Variants in ARAP1 observed in about 807,000 individuals in gnomAD.
ARAP1 encodes the protein arf-GAP with Rho-GAP domain, ANK repeat and PH domain-containing protein 1.
In ARAP1, 76 loss-of-function variants were observed where a neutral mutation model predicts 172.2. The observed-to-expected ratio is 0.44, with a 90% CI of 0.37 to 0.53. The LOEUF is 0.53. Among genes scored for constraint, ARAP1 ranks in the 20% least tolerant of loss-of-function variants. The pLI, the probability that ARAP1 is intolerant of heterozygous loss-of-function variation, is 0.00. For missense variants in ARAP1, 1,686 were observed against 1,977.5 expected (o/e 0.85, Z 2.80); for synonymous variants, 804 against 803.3 (o/e 1.00, Z -0.01).
chr11:72,734,042 T>C (rs907626304), intron 1 of ARAP1, among the ~76,000 whole-genome samples: 6 of 152,126 alleles, frequency 3.9e-5, no homozygotes, highest in Admixed American at 6.5e-5. Context: ...GCCAGGCTGG[T>C]CTCGAACTCC....
At chr11:72,747,269 A>T (rs558472499) in intron 1 of ARAP1, among the ~76,000 whole-genome samples, 26 of 152,222 alleles carry the variant, frequency 1.7e-4, no homozygotes, top group Middle Eastern at 3.4e-3. Context: ...GGAGATTTTA[A>T]CACATCCCCT....
At chr11:72,717,852 T>C (rs1200403979) in intron 3 of ARAP1, among the ~76,000 whole-genome samples, 2 of 152,192 alleles carry the variant, frequency 1.3e-5, no homozygotes, top group Non-Finnish European at 2.9e-5. Context: ...ACAGCTGGGA[T>C]GTGAACCCTG....
In ARAP1 at chr11:72,714,152, C is replaced by T. The variant is rs866066061; in HGVS notation, c.679G>A (p.Asp227Asn). The change falls in exon 4 of 35, where the codon GAT (aspartate) becomes AAT (asparagine). Residue 227 changes from aspartate to asparagine, a missense_variant and splice_region_variant. Physicochemically the swap from Asp to Asn is conservative, Grantham distance 23 (BLOSUM62 1). This residue lies in a region of ARAP1 where 155 missense variants were observed against 129.2 expected (regional missense o/e 1.20). Transcript: ENST00000393609. The stretch of plus-strand genomic sequence containing the variant: ...CCCATCTCCTGGCTGCAGCACTCAC[C>T]GAACTCTGGGAACAGGCGTACCGGC... ...PKPVRLFPEF[D>N]DSDYDEVPEE... is the part of the protein sequence containing the mutation. The T allele has an allele frequency of 1.4e-5, 20 of 1,479,576 alleles. No homozygotes were observed. Among genetic ancestry groups the T allele is most frequent in the African/African-American group, 1.0e-4 (7 of 68,752 alleles). The allele number at this position is 1,479,576 out of a possible 1,614,324, so 91.7% of individuals were successfully genotyped here.
chr11:72,693,844 G>T lies in ARAP1; in HGVS notation c.3695-39C>A. On this transcript the variant is annotated intron_variant, in intron 27 of 34. Coordinates refer to ENST00000393609, the MANE Select transcript of ARAP1 (RefSeq NM_001040118.3). This position sits in a 1 kb window ranked among gnomAD's most constrained non-coding sequence, Gnocchi z 4.6. ...ACACCTACCGTCACTGGGACCACAT[G>T]GCCCGATACCACCAAAGGCTGGCAG... is the stretch of plus-strand genomic sequence containing the variant. 1 of 1,516,198 alleles carries T rather than the reference G, an allele frequency of 6.6e-7. No individual in the cohort carries two copies. Among genetic ancestry groups the T allele is most frequent in the Non-Finnish European group, 8.9e-7 (1 of 1,120,644 alleles). The allele number at this position is 1,516,198 out of a possible 1,614,324, so 93.9% of individuals were successfully genotyped here. A position where few individuals can be genotyped will look rare whatever the true frequency, so the allele number is the denominator to read the frequency against.
chr11:72,736,977 C>T (rs149856786), intron 1 of ARAP1, among the ~76,000 whole-genome samples: 3 of 152,352 alleles, frequency 2.0e-5, no homozygotes, highest in East Asian at 3.9e-4. Flanking sequence ...CCAAAGTTGT[C>T]TGCTGACAAT....
intron 34 of ARAP1, 96 bp from the exon 35 acceptor site, chr11:72,685,777 T>C (rs760282346): frequency 2.6e-6 from 4 of 1,532,218 alleles, no homozygotes; most frequent in Non-Finnish European, 3.6e-6. Context: ...CACTCTCCAC[T>C]GCCAGCCGGG....
chr11:72,744,889 G>A (rs907591912), intron 1 of ARAP1, among the ~76,000 whole-genome samples: 1 of 152,212 alleles, frequency 6.6e-6, no homozygotes, highest in African/African-American at 2.4e-5. Flanking sequence ...TGGATCTTCA[G>A]ACTCCCTAGG....
chr11:72,711,283 C>G (rs1204560074), intron 8 of ARAP1, 142 bp from the exon 9 acceptor site: 1 of 1,475,680 alleles, frequency 6.8e-7, no homozygotes. Flanking sequence ...CAGCCCTCAG[C>G]AGGCAGAGGG....
intron 12 of ARAP1, 121 bp from the exon 13 acceptor site, chr11:72,706,011 A>T: frequency 1.1e-6 from 1 of 894,542 alleles, no homozygotes; most frequent in East Asian, 2.6e-5. Flanking sequence ...CCCAGGGGGT[A>T]GGCCTGCTGG....
Position 72,695,249 on chromosome 11 carries a change from A to G in ARAP1, c.3576+138T>C, listed in dbSNP as rs548839262. 1.2e-5 allele frequency: 16 copies of G among 1,352,236 alleles called. No homozygotes were observed. In the African/African-American group the frequency reaches 2.3e-4, roughly 19 times the overall value. The allele number at this position is 1,352,236 out of a possible 1,614,324, so 83.8% of individuals were successfully genotyped here. A position where few individuals can be genotyped will look rare whatever the true frequency, so the allele number is the denominator to read the frequency against. On this transcript the variant is annotated intron_variant, in intron 26 of 34. Transcript: ENST00000393609. This position sits in a 1 kb window ranked among gnomAD's most constrained non-coding sequence, Gnocchi z 4.4. The stretch of plus-strand genomic sequence containing the variant: ...GTATTTCTGAGTGGTCCTTAGGAGC[A>G]GACCCCAGCACCAGCCAGATACAGG...
Position 72,705,627 on chromosome 11 carries a change from GT to G in ARAP1, c.1809+177del. The G allele has an allele frequency of 7.1e-6, 4 of 563,872 alleles. No individual in the cohort carries two copies. In the South Asian group the frequency reaches 1.0e-4, roughly 14 times the overall value. The allele number at this position is 563,872 out of a possible 1,614,324, so 34.9% of individuals were successfully genotyped here. A position where few individuals can be genotyped will look rare whatever the true frequency, so the allele number is the denominator to read the frequency against. On this transcript the variant is annotated intron_variant, in intron 13 of 34. Transcript: ENST00000393609. ...AAAAACATTCTTAGCTCACTGGCCA[GT>G]TTGCTGACTTTGCCAAAAATTGCTT...
intron 16 of ARAP1, among the ~76,000 whole-genome samples, chr11:72,701,023 G>A (rs1693731052): frequency 1.3e-5 from 2 of 152,230 alleles, no homozygotes; most frequent in South Asian, 2.1e-4. Context: ...AGAGATGGGG[G>A]GTGCTATTTT....
At chr11:72,709,201 C>T (rs1397587998) in intron 11 of ARAP1, among the ~76,000 whole-genome samples, 3 of 152,148 alleles carry the variant, frequency 2.0e-5, no homozygotes, top group African/African-American at 7.2e-5. Flanking sequence ...GAGACAGACA[C>T]CTGGACTAAG....
chr11:72,700,441 TC>T (rs1057114282), intron 16 of ARAP1: 14 of 152,404 alleles, frequency 9.2e-5, no homozygotes, highest in African/African-American at 3.4e-4. Context: ...TCTCATCCTG[TC>T]TGTGAGGGCC....
rs1164289905 is a variant in ARAP1 at position 72,709,858 on chromosome 11, A to G, written c.1523+12T>C. On this transcript the variant is annotated intron_variant, in intron 11 of 34. Transcript: ENST00000393609. ...GTGAGGATGCCGGTGAGCCAAGAAG[A>G]TGGAGGGTCACCTGAAGATGCGGTA... 1.2e-6 allele frequency: 2 copies of G among 1,613,284 alleles called. No individual in the cohort carries two copies. The highest frequency in any genetic ancestry group is 1.7e-4 in the Middle Eastern group (1 of 6,060).
intron 23 of ARAP1, among the ~76,000 whole-genome samples, 176 bp from the exon 24 acceptor site, chr11:72,696,041 C>G (rs987176310): frequency 1.3e-5 from 2 of 152,142 alleles, no homozygotes; most frequent in African/African-American, 4.8e-5. Flanking sequence ...GACTGGGAAG[C>G]TGGGAGATCC....
In ARAP1 at chr11:72,714,135, C is replaced by A; in HGVS notation, c.679+17G>T. ...GGCCATCCACCCAGAGCCCCATCTC[C>A]TGGCTGCAGCACTCACCGAACTCTG... is the stretch of plus-strand genomic sequence containing the variant. On this transcript the variant is annotated intron_variant, in intron 4 of 34. Coordinates refer to ENST00000393609, the MANE Select transcript of ARAP1 (RefSeq NM_001040118.3). The A allele has an allele frequency of 6.9e-7, 1 of 1,449,920 alleles. No individual in the cohort carries two copies. Among genetic ancestry groups the A allele is most frequent in the Non-Finnish European group, 9.0e-7 (1 of 1,105,654 alleles). The allele number at this position is 1,449,920 out of a possible 1,614,324, so 89.8% of individuals were successfully genotyped here.
intron 1 of ARAP1, among the ~76,000 whole-genome samples, chr11:72,748,591 T>G (rs919049345): frequency 2.0e-5 from 3 of 152,106 alleles, no homozygotes; most frequent in African/African-American, 7.2e-5. Context: ...ACTCTTTGAC[T>G]GTCCCAGTGG....
At chr11:72,698,595 C>T (rs1333921804) in intron 18 of ARAP1, among the ~76,000 whole-genome samples, 1 of 152,174 alleles carries the variant, frequency 6.6e-6, no homozygotes, top group Admixed American at 6.5e-5. Flanking sequence ...GGGGACCCCA[C>T]AGGCACCTGG....
Sources: allele counts gnomAD v4.1 joint callset (sites outside exome capture counted in the v4.1 genomes callset), GRCh38; gene constraint gnomAD v4.1.1; regional missense constraint gnomAD v4.1.1; non-coding constraint Gnocchi (gnomAD v3.1); transcripts MANE v1.5; gene names NCBI Gene and HGNC (gene_info 2026-07-23, HGNC 2026-07-21).